The following NCR3LG1 variants were observed in gnomAD, a reference collection of about 807,000 sequenced individuals.
The protein encoded by NCR3LG1 is natural cytotoxicity triggering receptor 3 ligand 1.
In NCR3LG1, 35 loss-of-function variants were observed where a neutral mutation model predicts 34.8. The observed-to-expected ratio is 1.01, with a 90% confidence interval of 0.77 to 1.33. The LOEUF is 1.33. Among genes scored for constraint, NCR3LG1 ranks in the 40% most tolerant of loss-of-function variants. The pLI is 0.00. For missense variants in NCR3LG1, 452 were observed against 423.3 expected, an observed-to-expected ratio of 1.07 and a Z score of -0.60; for synonymous variants, 173 against 163.6, an observed-to-expected ratio of 1.06 and a Z score of -0.44.
Position 17,372,416 on chromosome 11 carries a change from T to C in NCR3LG1, c.1269T>C (p.Leu423=), listed in dbSNP as rs989935518. 1.4e-6 allele frequency: 1 copy of C among 703,104 alleles called. No individual in the cohort carries two copies. The highest frequency in any genetic ancestry group is 2.6e-6 in the Non-Finnish European group (1 of 385,040). 43.6% of individuals were successfully genotyped at this position (703,104 alleles called of 1,614,324 possible). A position where few individuals can be genotyped will look rare whatever the true frequency, so the allele number is the denominator to read the frequency against. Residue 423 remains leucine, a synonymous_variant, in exon 5 of 5, where the codon CTT becomes CTC. Coordinates refer to ENST00000338965, the MANE Select transcript of NCR3LG1 (RefSeq NM_001202439.3). ...HSDAVPDAPI[L]PVSPIWEPPP... ...ATGCAGTTCCGGATGCCCCAATCCTTCCTGTCTCCCCTATCTGGGAACCTC... is the reference window on the plus strand; with the variant it reads ...ATGCAGTTCCGGATGCCCCAATCCTCCCTGTCTCCCCTATCTGGGAACCTC...
Position 17,367,316 on chromosome 11 carries a change from T to C in NCR3LG1, c.729T>C (p.Phe243=). The part of the protein sequence containing the change: ...ASLHTPLRSN[F]TLTAARHSLS... ...TGCATACCCCCTTGAGGAGCAACTT[T>C]ACCCTGACTGCTGCTCGGCACAGTC... Residue 243 remains phenylalanine, a synonymous_variant, in exon 3 of 5, where the codon TTT becomes TTC. Coordinates refer to ENST00000338965, the MANE Select transcript of NCR3LG1 (RefSeq NM_001202439.3). 1 of 1,535,448 alleles carries C rather than the reference T, an allele frequency of 6.5e-7. No homozygotes were observed. The highest frequency in any genetic ancestry group is 8.7e-7 in the Non-Finnish European group (1 of 1,146,360).
chr11:17,360,627 C>A (rs1346621768), intron 2 of NCR3LG1, among the ~76,000 whole-genome samples: 1 of 151,434 alleles, frequency 6.6e-6, no homozygotes, highest in Non-Finnish European at 1.5e-5. Flanking sequence ...ATATGAACAC[C>A]TAATTGTTCC....
intron 4 of NCR3LG1, 31 bp downstream of exon 4, chr11:17,368,995 G>C (rs116489845): frequency 2.8e-6 from 4 of 1,407,464 alleles, no homozygotes; most frequent in East Asian, 5.0e-5. Context: ...GTTCAGCCCT[G>C]TGTCTTGGGC....
chr11:17,368,822 C>A (rs937666208), intron 3 of NCR3LG1, 45 bp from the exon 4 acceptor site: 8 of 1,327,984 alleles, frequency 6.0e-6, no homozygotes, highest in Non-Finnish European at 7.3e-6. Context: ...TTCTCTGGCC[C>A]TTGCCAGTAG....
At position 17,373,350 on chromosome 11, in the gene NCR3LG1, T is replaced by C. The variant is rs1451897892; in HGVS notation, c.*838T>C. On this transcript the variant is annotated 3_prime_UTR_variant, in exon 5 of 5. Coordinates refer to ENST00000338965, the MANE Select transcript of NCR3LG1 (RefSeq NM_001202439.3). The stretch of plus-strand genomic sequence containing the variant: ...GCTAGTTGCTACCAATGTGGCAAAC[T>C]AGGGCACTTCAAAAGGGACTGCCCA... The C allele has an allele frequency of 1.3e-5, 2 of 152,362 alleles. No homozygotes were observed. Among genetic ancestry groups the C allele is most frequent in the Non-Finnish European group, 2.9e-5 (2 of 68,152 alleles). The allele number at this position is 152,362 out of a possible 1,614,324, so 9.4% of individuals were successfully genotyped here. A position where few individuals can be genotyped will look rare whatever the true frequency, so the allele number is the denominator to read the frequency against.
intron 2 of NCR3LG1, among the ~76,000 whole-genome samples, chr11:17,366,108 G>A (rs551643225): frequency 6.6e-6 from 1 of 152,268 alleles, no homozygotes; most frequent in East Asian, 1.9e-4. Flanking sequence ...GTCAATAGTG[G>A]CTTTGGAAAT....
intron 2 of NCR3LG1, among the ~76,000 whole-genome samples, chr11:17,359,381 C>T (rs2214285): frequency 0.18 from 26,833 of 152,168 alleles, 4,570 homozygotes; most frequent in African/African-American, 0.44. Flanking sequence ...CATCTGTAAA[C>T]TCCCACTCCA....
Position 17,376,291 on chromosome 11 carries a change from T to C in NCR3LG1, c.*3779T>C, listed in dbSNP as rs1006584188. Reference sequence around the variant, plus strand: ...AAGGCCTCTGAGGTGGTGAGAATACTAATTAGTTAAATAATTCCTCACTTT... The same window carrying C: ...AAGGCCTCTGAGGTGGTGAGAATACCAATTAGTTAAATAATTCCTCACTTT... On this transcript the variant is annotated 3_prime_UTR_variant, in exon 5 of 5. Coordinates refer to ENST00000338965, the MANE Select transcript of NCR3LG1 (RefSeq NM_001202439.3). 6.6e-6 allele frequency: 1 copy of C among 152,216 alleles called. No individual in the cohort carries two copies. Among genetic ancestry groups the C allele is most frequent in the Non-Finnish European group, 1.5e-5 (1 of 68,028 alleles). 9.4% of individuals were successfully genotyped at this position (152,216 alleles called of 1,614,324 possible).
downstream of NCR3LG1, among the ~76,000 whole-genome samples, chr11:17,377,577 T>A (rs1953489488): frequency 6.6e-6 from 1 of 152,224 alleles, no homozygotes; most frequent in Non-Finnish European, 1.5e-5. Flanking sequence ...TGAGTGACTA[T>A]CCTGAGTATA....
At chr11:17,354,555 T>C (rs866041366) in intron 1 of NCR3LG1, among the ~76,000 whole-genome samples, 21,634 of 140,904 alleles carry the variant, frequency 0.15, 3,055 homozygotes, top group African/African-American at 0.39. Flanking sequence ...CTTTTTTTTT[T>C]TTTTTTTTTT....
At position 17,351,891 on chromosome 11, in the gene NCR3LG1, G is replaced by A. The variant is rs34000454; in HGVS notation, c.-79G>A. On this transcript the variant is annotated 5_prime_UTR_variant, in exon 1 of 5. Transcript: ENST00000338965. ...CTCCGTCAACTCTTTACGCAACAGA[G>A]GTCTCCCCCTGCCCTTGGTTTCTAC... 9.0e-7 allele frequency: 1 copy of A among 1,114,710 alleles called. No individual in the cohort carries two copies. The highest frequency in any genetic ancestry group is 1.6e-5 in the African/African-American group (1 of 63,964). 69.1% of individuals were successfully genotyped at this position (1,114,710 alleles called of 1,614,324 possible).
intron 3 of NCR3LG1, among the ~76,000 whole-genome samples, chr11:17,368,576 CAT>C (rs1432318339): frequency 6.6e-6 from 1 of 151,990 alleles, no homozygotes; most frequent in African/African-American, 2.4e-5. Flanking sequence ...GTGGTATGCA[CAT>C]AGGGATAGAA....
At chr11:17,371,159 GT>G (rs57238981) in intron 4 of NCR3LG1, among the ~76,000 whole-genome samples, 27,015 of 151,912 alleles carry the variant, frequency 0.18, 4,540 homozygotes, top group African/African-American at 0.44. Context: ...AGACAAACTA[GT>G]TTTTTTTCTA....
At chr11:17,363,946 C>T (rs988134329) in intron 2 of NCR3LG1, among the ~76,000 whole-genome samples, 1 of 152,100 alleles carries the variant, frequency 6.6e-6, no homozygotes, top group African/African-American at 2.4e-5. Context: ...CGTGGATAGG[C>T]ATATTTGGAT....
downstream of NCR3LG1, among the ~76,000 whole-genome samples, chr11:17,379,534 G>A (rs980879450): frequency 9.2e-5 from 14 of 152,058 alleles, no homozygotes; most frequent in African/African-American, 1.9e-4. Context: ...TTGCTTCCTC[G>A]TGTGCTTCTA....
At chr11:17,360,043 C>G (rs1953253450) in intron 2 of NCR3LG1, among the ~76,000 whole-genome samples, 1 of 151,344 alleles carries the variant, frequency 6.6e-6, no homozygotes, top group Non-Finnish European at 1.5e-5. Flanking sequence ...GTAGCTAGGA[C>G]TACAGGTGCA....
At chr11:17,380,813 A>G (rs1953509606), downstream of NCR3LG1, 1 of 152,212 alleles carries the variant, frequency 6.6e-6, no homozygotes, top group Non-Finnish European at 1.5e-5. Context: ...TAGTATTAGT[A>G]ATCATTCCTA....
chr11:17,365,683 C>T (rs981098376), intron 2 of NCR3LG1, among the ~76,000 whole-genome samples: 7 of 152,124 alleles, frequency 4.6e-5, no homozygotes, highest in African/African-American at 1.7e-4. Flanking sequence ...TGGCTCTTTA[C>T]TGTGAGAATC....
At position 17,368,903 on chromosome 11, in the gene NCR3LG1, G is replaced by A; in HGVS notation, c.797G>A (p.Trp266Ter). The A allele has an allele frequency of 6.5e-7, 1 of 1,534,746 alleles. No individual in the cohort carries two copies. The highest frequency in any genetic ancestry group is 1.2e-5 in the South Asian group (1 of 83,916). ...EKTDNFSIHW[W>*]PISFIGVGLV... ...ACAGATAATTTTTCCATTCATTGGT[G>A]GCCTATTTCATTCATTGGTGTTGGA... The change falls in exon 4 of 5, where the codon TGG (tryptophan) becomes TAG (stop). Residue 266 changes from tryptophan to a stop codon, truncating the protein, a stop_gained. Coordinates refer to ENST00000338965, the MANE Select transcript of NCR3LG1 (RefSeq NM_001202439.3). LOFTEE classifies it high-confidence loss of function.
Sources: allele counts gnomAD v4.1 joint callset (sites outside exome capture counted in the v4.1 genomes callset), GRCh38; gene constraint gnomAD v4.1.1; transcripts MANE v1.5; gene names NCBI Gene and HGNC (gene_info 2026-07-23, HGNC 2026-07-21).